The following ZNF827 variants were observed in gnomAD, a reference collection of about 807,000 sequenced individuals.
The protein encoded by ZNF827 is zinc finger protein 827.
A neutral mutation model predicts 102.4 loss-of-function variants in ZNF827; 13 were observed. That is an observed-to-expected ratio of 0.13 (90% CI 0.08 to 0.20). The LOEUF is 0.20. ZNF827 is among the 10% of genes least tolerant of loss of function. ZNF827 has a pLI of 1.00. For missense variants in ZNF827, 1,103 were observed against 1,344.4 expected (o/e 0.82, Z 2.81); for synonymous variants, 523 against 536.2 (o/e 0.98, Z 0.34).
intron 7 of ZNF827, chr4:145,831,656 G>A (rs543005472): frequency 1.2e-4 from 19 of 152,292 alleles, no homozygotes; most frequent in African/African-American, 4.3e-4. Flanking sequence ...AAAAACTAAA[G>A]GTGTTGTTAA....
At chr4:145,916,390 C>T (rs968945960) in intron 1 of ZNF827, among the ~76,000 whole-genome samples, 20 of 151,378 alleles carry the variant, frequency 1.3e-4, no homozygotes, top group African/African-American at 3.7e-4. Flanking sequence ...ATGAGCCGTA[C>T]GGGAATGTGG....
At chr4:145,833,310 C>A (rs1053035622) in intron 7 of ZNF827, among the ~76,000 whole-genome samples, 3 of 152,184 alleles carry the variant, frequency 2.0e-5, no homozygotes, top group African/African-American at 7.2e-5. Context: ...CACGTTTTAT[C>A]CGTGGACCCA....
At chr4:145,883,725 C>T (rs1749874618) in intron 4 of ZNF827, among the ~76,000 whole-genome samples, 1 of 152,136 alleles carries the variant, frequency 6.6e-6, no homozygotes, top group Admixed American at 6.5e-5. Context: ...AGTCATTCAC[C>T]CCCACTCGGA....
In ZNF827 at chr4:145,793,815, G is replaced by A. The variant is rs193293648; in HGVS notation, c.2384-14304C>T. On this transcript the variant is annotated intron_variant, in intron 8 of 14. Transcript: ENST00000508784. ...GGTCTTTGGAGACCTTCCCTCAGCA[G>A]AATCTTTGCCTCATCTTTGGTGAAT... Among the ~76,000 whole-genome samples, 301 of 152,266 alleles carry A rather than the reference G, an allele frequency of 2.0e-3. 1 individual carries two copies. The highest frequency in any genetic ancestry group is 2.6e-3 in the Non-Finnish European group (180 of 68,032).
intron 11 of ZNF827, among the ~76,000 whole-genome samples, chr4:145,770,207 G>A (rs1196962429): frequency 6.6e-5 from 10 of 152,152 alleles, no homozygotes; most frequent in African/African-American, 9.6e-5. Flanking sequence ...GCTGAGACAC[G>A]AAAATTGCTT....
chr4:145,821,635 A>G (rs1743154755), intron 8 of ZNF827, among the ~76,000 whole-genome samples: 1 of 152,114 alleles, frequency 6.6e-6, no homozygotes, highest in East Asian at 1.9e-4. Context: ...CTCTACCTAA[A>G]GAAAGGTTTT....
intron 4 of ZNF827, among the ~76,000 whole-genome samples, chr4:145,882,067 C>T (rs1250112882): frequency 8.5e-5 from 13 of 152,156 alleles, no homozygotes; most frequent in Non-Finnish European, 4.4e-5. Context: ...AATGTGCAGC[C>T]GAGGTTAAGA....
At chr4:145,894,165 G>A (rs1036463562) in intron 2 of ZNF827, among the ~76,000 whole-genome samples, 7 of 152,074 alleles carry the variant, frequency 4.6e-5, no homozygotes, top group East Asian at 1.9e-4. Context: ...ACAAACAAGC[G>A]GATATGATGT....
In ZNF827 at chr4:145,758,872, A is replaced by G. The variant is rs1163004571; in HGVS notation, c.*2744T>C. The G allele has an allele frequency of 6.6e-6, 1 of 152,400 alleles. No individual in the cohort carries two copies. The highest frequency in any genetic ancestry group is 1.5e-5 in the Non-Finnish European group (1 of 68,214). The allele number at this position is 152,400 out of a possible 1,614,324, so 9.4% of individuals were successfully genotyped here. On this transcript the variant is annotated 3_prime_UTR_variant, in exon 15 of 15. Transcript: ENST00000508784. ...CAAAGGGAGGTGTAGCACACCTACT[A>G]GGTGTGGGGAAGAGGGGCTGGCGTG... is the stretch of plus-strand genomic sequence containing the variant.
chr4:145,818,369 T>A (rs1448079066), intron 8 of ZNF827, among the ~76,000 whole-genome samples: 1 of 152,242 alleles, frequency 6.6e-6, no homozygotes, highest in East Asian at 1.9e-4. Context: ...AGGTAGTAAT[T>A]TGTAAATTGT....
rs1751516335 is a variant in ZNF827 at position 145,902,626 on chromosome 4, G to A, written c.633C>T (p.Ala211=). 2 of 1,613,940 alleles carry A rather than the reference G, an allele frequency of 1.2e-6. No individual in the cohort carries two copies. Among genetic ancestry groups the A allele is most frequent in the Non-Finnish European group, 1.7e-6 (2 of 1,180,022 alleles). ...TTTCSLSPDS[A]ILKLKAAANA... Reference sequence around the variant, plus strand: ...TGGCTGCAGCTTTCAGTTTTAGGATGGCTGAATCCGGAGACAAGCTGCAGG... The same window carrying A: ...TGGCTGCAGCTTTCAGTTTTAGGATAGCTGAATCCGGAGACAAGCTGCAGG... Residue 211 remains alanine, a synonymous_variant, in exon 2 of 15, where the codon GCC becomes GCT. Coordinates refer to ENST00000508784, the MANE Select transcript of ZNF827 (RefSeq NM_001306215.2). The surrounding 1 kb of genome is among the most constrained non-coding windows in gnomAD (Gnocchi z 4.3).
At chr4:145,825,926 G>C (rs1259122480) in intron 7 of ZNF827, among the ~76,000 whole-genome samples, 1 of 152,182 alleles carries the variant, frequency 6.6e-6, no homozygotes, top group Non-Finnish European at 1.5e-5. Flanking sequence ...AGTCCTGCTG[G>C]ATACTAAAAA....
intron 8 of ZNF827, among the ~76,000 whole-genome samples, chr4:145,788,145 A>G (rs1739158188): frequency 6.6e-6 from 1 of 152,232 alleles, no homozygotes; most frequent in Non-Finnish European, 1.5e-5. Flanking sequence ...AAATCATCCC[A>G]GGAAAACTGG....
rs1274518973 is a variant in ZNF827, at chr4:145,885,172, T to TA, written c.1747+505dup. On this transcript the variant is annotated intron_variant, in intron 4 of 14. Coordinates refer to ENST00000508784, the MANE Select transcript of ZNF827 (RefSeq NM_001306215.2). Reference sequence around the variant, plus strand: ...AAAAACCTGAAAAACTTCTTAAAGATAGTTATCATTTGCTCAAATTTTAGA... The same window carrying TA: ...AAAAACCTGAAAAACTTCTTAAAGATAAGTTATCATTTGCTCAAATTTTAGA... Among the ~76,000 whole-genome samples the TA allele has an allele frequency of 1.1e-3, 160 of 152,222 alleles. No individual in the cohort carries two copies. The Middle Eastern group carries it at 0.014, about 13-fold the overall frequency.
intron 11 of ZNF827, among the ~76,000 whole-genome samples, chr4:145,771,563 C>G (rs1457357351): frequency 6.6e-6 from 1 of 152,136 alleles, no homozygotes; most frequent in Non-Finnish European, 1.5e-5. Context: ...ATATTTTCCC[C>G]TTGTTGATAT....
At position 145,829,749 on chromosome 4, in the gene ZNF827, T is replaced by C. The variant is rs541413141; in HGVS notation, c.2280-6224A>G. Among the ~76,000 whole-genome samples, 13 of 152,268 alleles carry C rather than the reference T, an allele frequency of 8.5e-5. No homozygotes were observed. In the East Asian group the frequency reaches 2.5e-3, roughly 29 times the overall value. On this transcript the variant is annotated intron_variant, in intron 7 of 14. Coordinates refer to ENST00000508784, the MANE Select transcript of ZNF827 (RefSeq NM_001306215.2). Reference sequence around the variant, plus strand: ...CTCAGCCCCTGGGCCCCTCACCAGGTGGTTTTCTATCCCTCCTGGTAACAG... The same window carrying C: ...CTCAGCCCCTGGGCCCCTCACCAGGCGGTTTTCTATCCCTCCTGGTAACAG...
At chr4:145,805,125 TTGTGTG>T (rs35536912) in intron 8 of ZNF827, among the ~76,000 whole-genome samples, 50,206 of 148,194 alleles carry the variant, frequency 0.34, 9,464 homozygotes, top group Non-Finnish European at 0.44. Context: ...GCAATTCCTT[TTGTGTG>T]TGTGTGTGTG....
chr4:145,797,901 T>C (rs1740525248), intron 8 of ZNF827, among the ~76,000 whole-genome samples: 1 of 152,216 alleles, frequency 6.6e-6, no homozygotes, highest in Non-Finnish European at 1.5e-5. Flanking sequence ...GTCTGAATAA[T>C]GTTCATTTCC....
At position 145,774,567 on chromosome 4, in the gene ZNF827, G is replaced by A. The variant is rs556012181; in HGVS notation, c.2799C>T (p.Ala933=). The A allele has an allele frequency of 3.7e-6, 6 of 1,613,192 alleles. No individual in the cohort carries two copies. The East Asian group carries it at 1.3e-4, about 36-fold the overall frequency. ...EQWMFSICCT[A]CDFVTMEEAE... ...CTTCCTCCATGGTGACGAAGTCGCA[G>A]GCAGTGCAGCAGATCGAAAACATCC... The change falls in exon 11 of 15, where the codon GCC becomes GCT. Residue 933 remains alanine, a synonymous_variant. Transcript: ENST00000508784.
Sources: allele counts gnomAD v4.1 joint callset (sites outside exome capture counted in the v4.1 genomes callset), GRCh38; gene constraint gnomAD v4.1.1; non-coding constraint Gnocchi (gnomAD v3.1); transcripts MANE v1.5; gene names NCBI Gene and HGNC (gene_info 2026-07-23, HGNC 2026-07-21).